The following TAF2 variants were observed in gnomAD, a reference collection of about 807,000 sequenced individuals.
The protein encoded by TAF2 is transcription initiation factor TFIID subunit 2.
A neutral mutation model predicts 138.5 loss-of-function variants in TAF2; 61 were observed. The ratio of observed to expected loss-of-function variants is 0.44; its 90% CI spans 0.36 to 0.54. The LOEUF (loss-of-function observed/expected upper bound fraction) is 0.54. TAF2 is among the 20% of genes least tolerant of loss of function. TAF2 has a pLI of 0.00. For synonymous variants in TAF2, 475 were observed against 469.9 expected, an observed-to-expected ratio of 1.01 and a Z score of -0.14; for missense variants, 1,090 against 1,427.9, an observed-to-expected ratio of 0.76 and a Z score of 3.81.
intron 6 of TAF2, among the ~76,000 whole-genome samples, chr8:119,800,728 G>A (rs1006797834): frequency 3.9e-5 from 6 of 152,184 alleles, no homozygotes; most frequent in African/African-American, 1.4e-4. Flanking sequence ...TACAAATCCT[G>A]TGAATTTCAG....
At chr8:119,818,415 C>G (rs922600833) in intron 3 of TAF2, among the ~76,000 whole-genome samples, 5 of 152,048 alleles carry the variant, frequency 3.3e-5, no homozygotes, top group African/African-American at 1.2e-4. Context: ...CATCCTACCC[C>G]AAAACACAAA....
intron 22 of TAF2, among the ~76,000 whole-genome samples, chr8:119,748,430 T>C (rs930647114): frequency 6.6e-6 from 1 of 151,168 alleles, no homozygotes; most frequent in African/African-American, 2.4e-5. Flanking sequence ...TAGTGCATTG[T>C]ACTAGGCCAC....
chr8:119,765,509 G>T (rs908294017), intron 18 of TAF2, among the ~76,000 whole-genome samples: 1 of 152,130 alleles, frequency 6.6e-6, no homozygotes, highest in South Asian at 2.1e-4. Flanking sequence ...GTATGTTAAA[G>T]GAAAAGTTAC....
chr8:119,769,307 G>A (rs563265888), intron 18 of TAF2, among the ~76,000 whole-genome samples: 3 of 152,240 alleles, frequency 2.0e-5, no homozygotes, highest in East Asian at 3.9e-4. Flanking sequence ...AAGGTGGGAG[G>A]AGAGGAAGAG....
chr8:119,798,915 G>C (rs1824028603), intron 6 of TAF2, among the ~76,000 whole-genome samples: 1 of 151,844 alleles, frequency 6.6e-6, no homozygotes, highest in Non-Finnish European at 1.5e-5. Flanking sequence ...AATTTTATTT[G>C]TGTATGCAAA....
At chr8:119,762,726 C>T (rs1821152595) in intron 18 of TAF2, 118 bp from the exon 19 acceptor site, 1 of 872,070 alleles carries the variant, frequency 1.1e-6, no homozygotes, top group Non-Finnish European at 1.7e-6. Flanking sequence ...AAAACACAAG[C>T]AAGTCCTCTG....
At chr8:119,784,041 C>T (rs545647207) in intron 15 of TAF2, among the ~76,000 whole-genome samples, 118 of 152,260 alleles carry the variant, frequency 7.7e-4, no homozygotes, top group Middle Eastern at 3.4e-3. Context: ...ACTAGACTCA[C>T]GATCGCCTTT....
At chr8:119,733,151 A>G (rs996974673) in intron 25 of TAF2, among the ~76,000 whole-genome samples, 1 of 152,104 alleles carries the variant, frequency 6.6e-6, no homozygotes, top group Non-Finnish European at 1.5e-5. Context: ...GGATGACTCT[A>G]TTTTCTTTGT....
At chr8:119,831,827 C>T in intron 1 of TAF2, 96 bp from the exon 2 acceptor site, 1 of 814,536 alleles carries the variant, frequency 1.2e-6, no homozygotes, top group Non-Finnish European at 1.8e-6. Flanking sequence ...GGACTATGTT[C>T]TAAGTAATTC....
chr8:119,759,428 T>C (rs1820911120), intron 20 of TAF2, among the ~76,000 whole-genome samples: 1 of 152,144 alleles, frequency 6.6e-6, no homozygotes, highest in South Asian at 2.1e-4. Context: ...AGAACTTCTC[T>C]CAGCCCTTCC....
chr8:119,756,183 C>T, intron 21 of TAF2, 68 bp from the exon 22 acceptor site: 5 of 1,069,780 alleles, frequency 4.7e-6, no homozygotes, highest in African/African-American at 1.6e-5. Context: ...TAGGAGACAA[C>T]ATAAACACTG....
intron 22 of TAF2, among the ~76,000 whole-genome samples, chr8:119,750,689 T>G (rs904113526): frequency 6.6e-6 from 1 of 152,050 alleles, no homozygotes; most frequent in Non-Finnish European, 1.5e-5. Flanking sequence ...AGAGAGACGG[T>G]GGGACAGAGC....
intron 2 of TAF2, among the ~76,000 whole-genome samples, chr8:119,823,683 G>A (rs1825926221): frequency 6.6e-6 from 1 of 152,174 alleles, no homozygotes; most frequent in Non-Finnish European, 1.5e-5. Flanking sequence ...AGAGTGGGGT[G>A]CTGATAAAAA....
chr8:119,827,342 C>T (rs1472836895), intron 2 of TAF2, among the ~76,000 whole-genome samples: 5 of 152,166 alleles, frequency 3.3e-5, no homozygotes, highest in African/African-American at 1.2e-4. Flanking sequence ...ATATCAAAGG[C>T]TCCCAAATTT....
At chr8:119,826,659 C>T (rs1242930110) in intron 2 of TAF2, among the ~76,000 whole-genome samples, 12 of 151,436 alleles carry the variant, frequency 7.9e-5, no homozygotes, top group South Asian at 6.3e-4. Flanking sequence ...AGTGCGATTT[C>T]GGCTCGCTGG....
intron 22 of TAF2, among the ~76,000 whole-genome samples, chr8:119,753,848 T>C (rs1187773172): frequency 6.6e-6 from 1 of 152,228 alleles, no homozygotes; most frequent in Non-Finnish European, 1.5e-5. Flanking sequence ...TCATGTATTC[T>C]GGTTAAAAAG....
intron 6 of TAF2, among the ~76,000 whole-genome samples, chr8:119,801,271 ACT>A (rs1264921912): frequency 6.6e-6 from 1 of 152,152 alleles, no homozygotes; most frequent in African/African-American, 2.4e-5. Flanking sequence ...AAATGCTAAG[ACT>A]CTGTTGGAAA....
intron 3 of TAF2, among the ~76,000 whole-genome samples, chr8:119,807,000 T>G (rs1226196630): frequency 6.6e-6 from 1 of 152,234 alleles, no homozygotes; most frequent in African/African-American, 2.4e-5. Context: ...CACTATCCTT[T>G]TTTGATACAA....
chr8:119,815,292 T>C (rs1359193082), intron 3 of TAF2, among the ~76,000 whole-genome samples: 1 of 151,362 alleles, frequency 6.6e-6, no homozygotes, highest in Non-Finnish European at 1.5e-5. Flanking sequence ...TTTTTTTTTT[T>C]GAGAGGGAGT....
Sources: gnomAD v4.1 joint callset for allele counts (sites outside exome capture counted in the v4.1 genomes callset) on GRCh38, gnomAD v4.1.1 for gene constraint, MANE v1.5 for transcripts, NCBI Gene and HGNC (gene_info 2026-07-23, HGNC 2026-07-21) for gene names.